Variants in PCDH11X observed in about 807,000 individuals in gnomAD.
PCDH11X encodes the protein protocadherin-11 X-linked.
In PCDH11X, 18 loss-of-function variants were observed where a neutral mutation model predicts 53.3. That is an observed-to-expected ratio of 0.34 (90% CI 0.23 to 0.50). The LOEUF (loss-of-function observed/expected upper bound fraction) is 0.50, where lower values mean the gene tolerates loss of function less well. Ranked by LOEUF, PCDH11X falls within the 20% of genes least tolerant of loss-of-function variation. PCDH11X has a pLI of 0.98. For missense variants in PCDH11X, 570 were observed against 1,032.4 expected (o/e 0.55, Z 6.14); for synonymous variants, 279 against 393.3 (o/e 0.71, Z 3.44).
intron 6 of PCDH11X, among the ~76,000 whole-genome samples, chrX:91,902,802 TA>T (rs888760194): frequency 9.2e-6 from 1 of 109,083 alleles, no homozygotes; most frequent in African/African-American, 3.3e-5. Context: ...TCACTCAAGT[TA>T]AAAATCTCAG....
intron 10 of PCDH11X, among the ~76,000 whole-genome samples, chrX:92,580,693 A>G (rs1449490744): frequency 9.0e-6 from 1 of 111,627 alleles, no homozygotes; most frequent in African/African-American, 3.3e-5. Context: ...ACTGGCCACA[A>G]CCCAAGTGGC....
At chrX:92,499,541 T>C (rs1278397819) in intron 10 of PCDH11X, among the ~76,000 whole-genome samples, 1 of 78,242 alleles carries the variant, frequency 1.3e-5, no homozygotes, top group African/African-American at 4.5e-5. Flanking sequence ...GGCTCATGCC[T>C]GTAATCTTAG....
At chrX:92,301,496 A>G (rs1010532571) in intron 8 of PCDH11X, among the ~76,000 whole-genome samples, 1 of 109,565 alleles carries the variant, frequency 9.1e-6, no homozygotes, top group African/African-American at 3.3e-5. Context: ...AGCCTTAAAA[A>G]TCTTTAAGCA....
chrX:92,265,738 C>G (rs1384335343), intron 8 of PCDH11X, among the ~76,000 whole-genome samples: 3 of 111,175 alleles, frequency 2.7e-5, no homozygotes, highest in African/African-American at 9.8e-5. Context: ...TTACAGAGCT[C>G]ACAAGTAGAA....
intron 10 of PCDH11X, among the ~76,000 whole-genome samples, chrX:92,583,158 G>A: frequency 1.0e-5 from 1 of 98,403 alleles, no homozygotes; most frequent in Non-Finnish European, 2.1e-5. Flanking sequence ...GGAGTGCAGT[G>A]GTGTGATCTC....
chrX:92,357,821 G>A (rs2070246747), intron 8 of PCDH11X, among the ~76,000 whole-genome samples: 1 of 110,949 alleles, frequency 9.0e-6, no homozygotes, highest in African/African-American at 3.3e-5. Context: ...TCTTTTCAGT[G>A]TTATGTCTGT....
intron 6 of PCDH11X, among the ~76,000 whole-genome samples, chrX:92,111,671 A>T (rs1218863316): frequency 5.4e-5 from 6 of 111,333 alleles, no homozygotes; most frequent in Non-Finnish European, 7.5e-5. Flanking sequence ...GAAATTCTGA[A>T]ATATAAAATA....
intron 6 of PCDH11X, among the ~76,000 whole-genome samples, chrX:91,916,762 A>C (rs963112566): frequency 1.1e-4 from 12 of 111,257 alleles, no homozygotes; most frequent in Admixed American, 4.8e-4. Flanking sequence ...TACAAATTTT[A>C]CTGAAACTAT....
intron 6 of PCDH11X, among the ~76,000 whole-genome samples, chrX:91,952,801 C>T (rs975507889): frequency 1.8e-5 from 2 of 111,746 alleles, no homozygotes; most frequent in African/African-American, 3.3e-5. Flanking sequence ...GTGTCCATAA[C>T]AGATGAATGG....
chrX:92,254,881 C>T (rs2067535861), intron 7 of PCDH11X, among the ~76,000 whole-genome samples: 2 of 106,086 alleles, frequency 1.9e-5, no homozygotes, highest in South Asian at 9.1e-4. Flanking sequence ...ACATTTTTTC[C>T]TTCATTTCAA....
In PCDH11X at chrX:92,403,919, AAT is replaced by A. The variant is rs1043168606; in HGVS notation, c.3343+15987_3343+15988del. ...AGGACTGAGTAATTCATTTGAGTCC[AAT>A]TACTATCTTATCTTTAAGAAGATGG... is the stretch of plus-strand genomic sequence containing the variant. On this transcript the variant is annotated intron_variant, in intron 9 of 10. Coordinates refer to ENST00000682573, the MANE Select transcript of PCDH11X (RefSeq NM_032968.5). Among the ~76,000 whole-genome samples the A allele has an allele frequency of 4.5e-5, 5 of 110,918 alleles. No individual in the cohort carries two copies. The Admixed American group carries it at 4.9e-4, about 11-fold the overall frequency.
intron 6 of PCDH11X, among the ~76,000 whole-genome samples, chrX:92,054,694 C>T (rs1462515142): frequency 1.8e-5 from 2 of 109,313 alleles, no homozygotes; most frequent in African/African-American, 6.7e-5. Flanking sequence ...GTGGCACATG[C>T]CTGTAATCCC....
chrX:92,216,749 G>T (rs978553215), intron 7 of PCDH11X, among the ~76,000 whole-genome samples: 1 of 88,864 alleles, frequency 1.1e-5, no homozygotes, highest in African/African-American at 4.3e-5. Flanking sequence ...ACACATAATT[G>T]TCAGATTCAC....
At position 92,066,879 on chromosome X, in the gene PCDH11X, A is replaced by C. The variant is rs1215386588; in HGVS notation, c.3034-134496A>C. Among the ~76,000 whole-genome samples the C allele has an allele frequency of 4.5e-5, 5 of 112,152 alleles. No homozygotes were observed. The Admixed American group carries it at 4.7e-4, about 11-fold the overall frequency. The stretch of plus-strand genomic sequence containing the variant: ...AGCACTTTGGGAGGCCAAGGTGAGC[A>C]GATAACTTGAGGTCAAGAGTTCAAG... On this transcript the variant is annotated intron_variant, in intron 6 of 10. Transcript: ENST00000682573.
chrX:91,820,578 T>A (rs1261072717), intron 4 of PCDH11X, among the ~76,000 whole-genome samples: 1 of 101,875 alleles, frequency 9.8e-6, no homozygotes, highest in Non-Finnish European at 1.9e-5. Context: ...ATTAGCCCTT[T>A]GTCAGATGAG....
At chrX:92,444,784 T>G (rs1037655213) in intron 9 of PCDH11X, among the ~76,000 whole-genome samples, 2 of 104,588 alleles carry the variant, frequency 1.9e-5, no homozygotes, top group East Asian at 3.0e-4. Context: ...AAAAGCTTTT[T>G]CTGCATCTAT....
chrX:91,952,146 T>C (rs2147873345), intron 6 of PCDH11X, among the ~76,000 whole-genome samples: 1 of 111,669 alleles, frequency 9.0e-6, no homozygotes, highest in Non-Finnish European at 1.9e-5. Context: ...TTCGTGAATA[T>C]CTGTTCCGTA....
intron 6 of PCDH11X, among the ~76,000 whole-genome samples, chrX:92,130,284 T>C (rs948515172): frequency 2.7e-5 from 3 of 111,209 alleles, no homozygotes; most frequent in Non-Finnish European, 5.6e-5. Flanking sequence ...CCATCTAGTC[T>C]AACCATGTTT....
rs1176598212 is a variant in PCDH11X, at chrX:92,574,966, C to T, written c.3368-43298C>T. 9.1e-5 allele frequency among the ~76,000 whole-genome samples: 10 copies of T among 110,252 alleles called. 1 individual carries two copies. Among genetic ancestry groups the T allele is most frequent in the African/African-American group, 2.0e-4 (6 of 30,231 alleles). On this transcript the variant is annotated intron_variant, in intron 10 of 10. Transcript: ENST00000682573. Reference sequence around the variant, plus strand: ...TTTTGGAAAAAATGTCTCAAACATACGGTAATGCTATTATATGACTGTAAA... The same window carrying T: ...TTTTGGAAAAAATGTCTCAAACATATGGTAATGCTATTATATGACTGTAAA...
Sources: gnomAD v4.1 joint callset for allele counts (sites outside exome capture counted in the v4.1 genomes callset) on GRCh38, gnomAD v4.1.1 for gene constraint, MANE v1.5 for transcripts, NCBI Gene and HGNC (gene_info 2026-07-23, HGNC 2026-07-21) for gene names.